PLXNA2: variants seen among roughly 807,000 people sequenced by gnomAD.
The protein encoded by PLXNA2 is plexin-A2.
PLXNA2 carries 91 observed loss-of-function variants against 193.5 expected under a neutral mutation model. The observed-to-expected ratio is 0.47, with a 90% CI of 0.40 to 0.56. The LOEUF is 0.56. PLXNA2 is among the 20% of genes least tolerant of loss of function. The pLI is 0.00. For synonymous variants in PLXNA2, 997 were observed against 1,027.3 expected (o/e 0.97, Z 0.56); for missense variants, 1,995 against 2,503.2 (o/e 0.80, Z 4.33).
At chr1:208,176,360 A>G (rs1669660623) in intron 3 of PLXNA2, among the ~76,000 whole-genome samples, 1 of 152,214 alleles carries the variant, frequency 6.6e-6, no homozygotes, top group Non-Finnish European at 1.5e-5. Flanking sequence ...CTTACCTACC[A>G]GAGCAAGGAG....
At chr1:208,054,903 G>T (rs1226073004) in intron 13 of PLXNA2, among the ~76,000 whole-genome samples, 1 of 152,200 alleles carries the variant, frequency 6.6e-6, no homozygotes. Context: ...AGATCTCGGG[G>T]CAGCAATCTA....
intron 29 of PLXNA2, chr1:208,031,338 C>G: frequency 7.5e-7 from 1 of 1,340,242 alleles, no homozygotes; most frequent in Non-Finnish European, 9.6e-7. Flanking sequence ...CTGGTCACAA[C>G]CTGGAGGGGC....
chr1:208,067,887 C>T (rs961717034), intron 12 of PLXNA2, among the ~76,000 whole-genome samples: 2 of 152,176 alleles, frequency 1.3e-5, no homozygotes, highest in African/African-American at 4.8e-5. Context: ...TGTAAAGCCT[C>T]TATGCATTTG....
chr1:208,091,644 G>A (rs533891684), intron 9 of PLXNA2, among the ~76,000 whole-genome samples: 4 of 152,176 alleles, frequency 2.6e-5, no homozygotes, highest in South Asian at 2.1e-4. Context: ...AGGCCGAGGC[G>A]GGTGGATCAT....
chr1:208,029,069 A>C (rs1236277249), intron 29 of PLXNA2, 27 bp from the exon 30 acceptor site: 1 of 1,613,516 alleles, frequency 6.2e-7, no homozygotes, highest in East Asian at 2.2e-5. Flanking sequence ...AGAAGACTTG[A>C]GAATGCATGC....
At chr1:208,157,118 A>G (rs556526022) in intron 3 of PLXNA2, among the ~76,000 whole-genome samples, 1 of 152,370 alleles carries the variant, frequency 6.6e-6, no homozygotes, top group South Asian at 2.1e-4. Flanking sequence ...TGTCTGGGAA[A>G]TGTCCTGAAA....
chr1:208,031,593 T>C lies in PLXNA2; in HGVS notation c.5222A>G (p.Asn1741Ser), dbSNP rs1664505183. ...DTDVRHTWKS[N>S]CLPLRFWVNV... Reference sequence around the variant, plus strand: ...GCTGAGCTCCCCGAGGGTTTACCAGTTGCTTTTCCAGGTGTGCCGCACATC... The same window carrying C: ...GCTGAGCTCCCCGAGGGTTTACCAGCTGCTTTTCCAGGTGTGCCGCACATC... Residue 1741 changes from asparagine (N) to serine (S), a missense_variant, in exon 29 of 32, where the codon AAC (asparagine) becomes AGC (serine). Coordinates refer to ENST00000367033, the MANE Select transcript of PLXNA2 (RefSeq NM_025179.4). 6.2e-7 allele frequency: 1 copy of C among 1,613,854 alleles called. No individual in the cohort carries two copies. Among genetic ancestry groups the C allele is most frequent in the Non-Finnish European group, 8.5e-7 (1 of 1,179,962 alleles).
At chr1:208,118,737 A>C (rs1009073581) in intron 4 of PLXNA2, among the ~76,000 whole-genome samples, 3 of 152,004 alleles carry the variant, frequency 2.0e-5, no homozygotes, top group African/African-American at 7.2e-5. Context: ...AGAGAGACAA[A>C]GATACATTTT....
chr1:208,051,137 C>T (rs752799402), intron 16 of PLXNA2, 35 bp from the exon 17 acceptor site: 30 of 1,601,618 alleles, frequency 1.9e-5, no homozygotes, highest in Non-Finnish European at 2.1e-5. Flanking sequence ...AGGTAAAAAA[C>T]CCCCTCAAAT....
intron 1 of PLXNA2, among the ~76,000 whole-genome samples, chr1:208,223,586 T>G (rs935472020): frequency 1.5e-4 from 23 of 152,170 alleles, no homozygotes; most frequent in Non-Finnish European, 2.8e-4. Context: ...CTTTCCCCCT[T>G]GGGGAGAATG....
chr1:208,200,720 T>A (rs1670522991), intron 3 of PLXNA2, among the ~76,000 whole-genome samples: 1 of 151,658 alleles, frequency 6.6e-6, no homozygotes, highest in South Asian at 2.1e-4. Flanking sequence ...TGCCTCAGCC[T>A]CCTTAGTAGC....
intron 21 of PLXNA2, among the ~76,000 whole-genome samples, chr1:208,042,627 T>A (rs375884693): frequency 3.5e-4 from 53 of 152,262 alleles, no homozygotes; most frequent in Middle Eastern, 3.4e-3. Flanking sequence ...GCTGCCTGAT[T>A]TTCCCAAGGA....
chr1:208,170,447 C>A (rs1302784362), intron 3 of PLXNA2, among the ~76,000 whole-genome samples: 5 of 152,172 alleles, frequency 3.3e-5, no homozygotes, highest in Non-Finnish European at 7.4e-5. Flanking sequence ...ATCTGAACCA[C>A]GGCCAGGAGG....
At position 208,092,839 on chromosome 1, in the gene PLXNA2, T is replaced by G. The variant is rs755516725; in HGVS notation, c.2044A>C (p.Thr682Pro). The G allele has an allele frequency of 6.2e-7, 1 of 1,613,902 alleles. No homozygotes were observed. The highest frequency in any genetic ancestry group is 1.7e-5 in the Admixed American group (1 of 59,998). The change falls in exon 9 of 32, where the codon ACT becomes CCT. Residue 682 changes from threonine to proline, a missense_variant. By Grantham distance (38) the Thr-to-Pro change is conservative. This residue lies in a region of PLXNA2 where 1,291 missense variants were observed against 1,673.6 expected (regional missense o/e 0.77). Coordinates refer to ENST00000367033, the MANE Select transcript of PLXNA2 (RefSeq NM_025179.4). ...AAGGAGCAGGTGGTGGGGTCATGAG[T>G]GCAGAGGTTGCGGTACTTGCACCAA... ...CHWCKYRNLC[T>P]HDPTTCSFQE...
Position 208,125,436 on chromosome 1 carries a change from T to C in PLXNA2, c.1506+16893A>G, listed in dbSNP as rs564656935. Among the ~76,000 whole-genome samples, 7 of 152,282 alleles carry C rather than the reference T, an allele frequency of 4.6e-5. No individual in the cohort carries two copies. In the East Asian group the frequency reaches 1.2e-3, roughly 25 times the overall value. On this transcript the variant is annotated intron_variant, in intron 4 of 31. Coordinates refer to ENST00000367033, the MANE Select transcript of PLXNA2 (RefSeq NM_025179.4). ...CCCAGCCCTCAGATTCCTTCCTCCA[T>C]CAGAATTTACCCCTTGGTTCATCCT...
intron 12 of PLXNA2, among the ~76,000 whole-genome samples, chr1:208,061,893 C>A (rs1274472863): frequency 6.6e-6 from 1 of 152,104 alleles, no homozygotes; most frequent in Non-Finnish European, 1.5e-5. Flanking sequence ...AATTTCGTAA[C>A]TGGAAGGGAT....
At position 208,028,807 on chromosome 1, in the gene PLXNA2, C is replaced by T. The variant is rs753967994; in HGVS notation, c.5438+23G>A. 1.0e-5 allele frequency: 16 copies of T among 1,604,170 alleles called. No homozygotes were observed. Among genetic ancestry groups the T allele is most frequent in the Non-Finnish European group, 1.2e-5 (14 of 1,172,644 alleles). On this transcript the variant is annotated intron_variant, in intron 30 of 31. Transcript: ENST00000367033. This position sits in a 1 kb window ranked among gnomAD's most constrained non-coding sequence, Gnocchi z 4.2. ...ATGGGCAGGGAGACAAGGGCATGGG[C>T]CTGTCCTGAGGGTGCTACTGACCTC...
intron 3 of PLXNA2, among the ~76,000 whole-genome samples, chr1:208,182,453 A>C (rs1366875536): frequency 1.3e-5 from 2 of 152,188 alleles, no homozygotes; most frequent in South Asian, 2.1e-4. Context: ...AAAAGAAAGA[A>C]AGACAGAAAA....
intron 22 of PLXNA2, among the ~76,000 whole-genome samples, chr1:208,041,437 T>C (rs1393506413): frequency 6.6e-6 from 1 of 152,196 alleles, no homozygotes; most frequent in Non-Finnish European, 1.5e-5. Flanking sequence ...GTGTAGTGGA[T>C]GCTGTGATTC....
Sources: gnomAD v4.1 joint callset for allele counts (sites outside exome capture counted in the v4.1 genomes callset) on GRCh38, gnomAD v4.1.1 for gene constraint, gnomAD v4.1.1 regional missense constraint, Gnocchi (gnomAD v3.1) non-coding constraint, MANE v1.5 for transcripts, NCBI Gene and HGNC (gene_info 2026-07-23, HGNC 2026-07-21) for gene names.